UNC13C: variants seen among roughly 807,000 people sequenced by gnomAD.
UNC13C encodes the protein unc-13 homolog C, also known as protein unc-13 homolog C.
A neutral mutation model predicts 245.4 loss-of-function variants in UNC13C; 174 were observed. The ratio of observed to expected loss-of-function variants is 0.71; its 90% confidence interval spans 0.63 to 0.80. The LOEUF is 0.80. Ranked by LOEUF, UNC13C falls within the 30% of genes least tolerant of loss-of-function variation. The probability of loss-of-function intolerance (pLI) is 0.00; values close to 1 mark genes in which losing one functional copy is unlikely to be tolerated. For missense variants in UNC13C, 2,829 were observed against 2,602.9 expected, an observed-to-expected ratio of 1.09 and a Z score of -1.89; for synonymous variants, 992 against 895.1, an observed-to-expected ratio of 1.11 and a Z score of -1.93.
At chr15:54,557,128 C>T (rs928929274) in intron 29 of UNC13C, among the ~76,000 whole-genome samples, 3 of 152,010 alleles carry the variant, frequency 2.0e-5, no homozygotes, top group African/African-American at 7.2e-5. Flanking sequence ...CGGCCTTGTT[C>T]TTTGTGGACA....
intron 13 of UNC13C, chr15:54,321,446 C>CTT (rs748237057): frequency 6.5e-5 from 32 of 493,540 alleles, no homozygotes; most frequent in Non-Finnish European, 1.3e-4. Flanking sequence ...TTGCATCTGC[C>CTT]TTTGCGGCCT....
intron 2 of UNC13C, among the ~76,000 whole-genome samples, chr15:54,088,507 A>G (rs571573248): frequency 1.3e-5 from 2 of 152,158 alleles, no homozygotes; most frequent in African/African-American, 4.8e-5. Flanking sequence ...GATCCATAGG[A>G]CATTTCATTG....
At chr15:54,466,615 C>G (rs1248575466) in intron 19 of UNC13C, among the ~76,000 whole-genome samples, 1 of 151,596 alleles carries the variant, frequency 6.6e-6, no homozygotes, top group Non-Finnish European at 1.5e-5. Flanking sequence ...ATCTTTAAGA[C>G]AAAAAAATTA....
intron 2 of UNC13C, among the ~76,000 whole-genome samples, chr15:54,133,478 C>G (rs2031549159): frequency 6.6e-6 from 1 of 152,056 alleles, no homozygotes; most frequent in African/African-American, 2.4e-5. Context: ...AATTGTATAA[C>G]CACTACAAAC....
intron 30 of UNC13C, among the ~76,000 whole-genome samples, chr15:54,614,859 CTT>C (rs1046554018): frequency 2.0e-5 from 3 of 151,918 alleles, no homozygotes; most frequent in African/African-American, 7.2e-5. Flanking sequence ...AAAAATTAAA[CTT>C]TTAGCTCAAG....
intron 2 of UNC13C, among the ~76,000 whole-genome samples, chr15:54,139,473 C>T (rs1421081606): frequency 6.6e-6 from 1 of 152,090 alleles, no homozygotes; most frequent in African/African-American, 2.4e-5. Flanking sequence ...CACCAGTTTC[C>T]AAAAGTGGAA....
At chr15:54,344,043 CTG>C (rs966152741) in intron 17 of UNC13C, among the ~76,000 whole-genome samples, 5 of 152,124 alleles carry the variant, frequency 3.3e-5, no homozygotes, top group Admixed American at 3.3e-4. Context: ...TCTGGCTAAA[CTG>C]AGAAGATTCT....
chr15:53,840,239 G>A, the UNC13C span, among the ~76,000 whole-genome samples: 1 of 152,118 alleles, frequency 6.6e-6, no homozygotes, highest in Admixed American at 6.6e-5. Flanking sequence ...CAGTATTTTA[G>A]CTATGAGAAA....
intron 4 of UNC13C, among the ~76,000 whole-genome samples, chr15:54,175,908 C>T (rs926862199): frequency 6.6e-6 from 1 of 152,108 alleles, no homozygotes; most frequent in South Asian, 2.1e-4. Context: ...CTGGTCTATA[C>T]TAAATAGAAA....
chr15:54,445,654 G>C (rs1890770661), intron 19 of UNC13C, among the ~76,000 whole-genome samples: 1 of 152,064 alleles, frequency 6.6e-6, no homozygotes, highest in African/African-American at 2.4e-5. Context: ...TTTTTTTCTT[G>C]TAAATTTGTT....
the UNC13C span, among the ~76,000 whole-genome samples, chr15:53,850,429 T>C: frequency 2.6e-5 from 4 of 152,056 alleles, no homozygotes; most frequent in Admixed American, 6.6e-5. Flanking sequence ...ACTATTTTTT[T>C]AATTAAATTT....
chr15:54,031,687 T>C (rs1896365344), intron 2 of UNC13C, among the ~76,000 whole-genome samples: 1 of 152,218 alleles, frequency 6.6e-6, no homozygotes, highest in Admixed American at 6.5e-5. Context: ...TGTGCATGCA[T>C]AATGACTTAC....
At position 54,567,927 on chromosome 15, in the gene UNC13C, T is replaced by G; in HGVS notation, c.6086T>G (p.Ile2029Arg). The change falls in exon 30 of 33, where the codon ATA (isoleucine) becomes AGA (arginine). Residue 2029 changes from isoleucine to arginine, a missense_variant. Ile to Arg is a moderately conservative substitution (Grantham distance 97). Coordinates refer to ENST00000260323, the MANE Select transcript of UNC13C (RefSeq NM_001080534.3). Reference sequence around the variant, plus strand: ...ACTGATGCCTTGATAAAGAAATTCATAGATACTCAAACCTCACAGAGTAAG... The same window carrying G: ...ACTGATGCCTTGATAAAGAAATTCAGAGATACTCAAACCTCACAGAGTAAG... ...QTTDALIKKF[I>R]DTQTSQSRSS... 1 of 1,577,980 alleles carries G rather than the reference T, an allele frequency of 6.3e-7. No individual in the cohort carries two copies. The highest frequency in any genetic ancestry group is 2.3e-5 in the East Asian group (1 of 43,964).
chr15:54,552,631 TACA>T lies in UNC13C; in HGVS notation c.5878-2799_5878-2797del, dbSNP rs1362660770. On this transcript the variant is annotated intron_variant, in intron 28 of 32. Coordinates refer to ENST00000260323, the MANE Select transcript of UNC13C (RefSeq NM_001080534.3). Reference sequence around the variant, plus strand: ...AATTATATAATTATATTATATATTGTACAATATAATATAATTATATAATTATAT... The same window carrying T: ...AATTATATAATTATATTATATATTGTATATAATATAATTATATAATTATAT... Among the ~76,000 whole-genome samples the T allele has an allele frequency of 9.5e-4, 77 of 81,332 alleles. 1 individual carries two copies. The highest frequency in any genetic ancestry group is 1.4e-3 in the Non-Finnish European group (72 of 50,128). The allele number at this position is 81,332 out of a possible 152,430, so 53.4% of individuals were successfully genotyped here. A position where few individuals can be genotyped will look rare whatever the true frequency, so the allele number is the denominator to read the frequency against.
chr15:54,167,144 T>C (rs982088630), intron 4 of UNC13C, among the ~76,000 whole-genome samples: 1 of 152,086 alleles, frequency 6.6e-6, no homozygotes, highest in Non-Finnish European at 1.5e-5. Flanking sequence ...ATGAAAGCAA[T>C]AGAAATACAC....
At chr15:53,930,468 C>G in the UNC13C span, among the ~76,000 whole-genome samples, 1 of 152,282 alleles carries the variant, frequency 6.6e-6, no homozygotes, top group East Asian at 1.9e-4. Context: ...TCAACCATAT[C>G]ATTAAGAGTA....
chr15:53,949,671 A>G, the UNC13C span, among the ~76,000 whole-genome samples: 1 of 152,176 alleles, frequency 6.6e-6, no homozygotes, highest in Non-Finnish European at 1.5e-5. Context: ...TGGCACATCA[A>G]AGAGAGATTT....
intron 2 of UNC13C, among the ~76,000 whole-genome samples, chr15:54,057,879 C>T (rs554131723): frequency 2.8e-4 from 43 of 152,072 alleles, no homozygotes; most frequent in Admixed American, 7.2e-4. Flanking sequence ...CATAACGAAA[C>T]GAAGGCAGAA....
intron 30 of UNC13C, among the ~76,000 whole-genome samples, chr15:54,595,890 A>G (rs1899052253): frequency 6.6e-6 from 1 of 152,176 alleles, no homozygotes; most frequent in African/African-American, 2.4e-5. Context: ...GTAATTTTCC[A>G]TTCATTATAC....
Sources: gnomAD v4.1 joint callset for allele counts (sites outside exome capture counted in the v4.1 genomes callset) on GRCh38, gnomAD v4.1.1 for gene constraint, MANE v1.5 for transcripts, NCBI Gene and HGNC (gene_info 2026-07-23, HGNC 2026-07-21) for gene names.